The following SNRNP200 variants were observed in gnomAD, a reference collection of about 807,000 sequenced individuals.
The protein encoded by SNRNP200 is U5 small nuclear ribonucleoprotein 200 kDa helicase.
In SNRNP200, 66 loss-of-function variants were observed where a neutral mutation model predicts 255.2. The ratio of observed to expected loss-of-function variants is 0.26; its 90% CI spans 0.21 to 0.32. SNRNP200 has a LOEUF of 0.32. Among genes scored for constraint, SNRNP200 ranks in the 10% least tolerant of loss-of-function variants. SNRNP200 has a pLI of 1.00. For synonymous variants in SNRNP200, 939 were observed against 1,027.8 expected, an observed-to-expected ratio of 0.91 and a Z score of 1.65; for missense variants, 1,585 against 2,749.8, an observed-to-expected ratio of 0.58 and a Z score of 9.47.
In SNRNP200 at chr2:96,290,004, A is replaced by G; in HGVS notation, c.2743-8T>C. 6.2e-7 allele frequency: 1 copy of G among 1,613,968 alleles called. No homozygotes were observed. Among genetic ancestry groups the G allele is most frequent in the Non-Finnish European group, 8.5e-7 (1 of 1,179,854 alleles). ...CAGCCAGTTCACCGCATCCTACAAG[A>G]CACAGCTCATGGTTCTTAGCATGGA... On this transcript the variant is annotated splice_region_variant and splice_polypyrimidine_tract_variant and intron_variant, in intron 20 of 44. Coordinates refer to ENST00000323853, the MANE Select transcript of SNRNP200 (RefSeq NM_014014.5). This position sits in a 1 kb window ranked among gnomAD's most constrained non-coding sequence, Gnocchi z 4.5.
At chr2:96,282,942 C>A in intron 34 of SNRNP200, 1 of 561,666 alleles carries the variant, frequency 1.8e-6, no homozygotes, top group Non-Finnish European at 3.2e-6. Flanking sequence ...AGGTCCTGGA[C>A]TCTAGAAAAC....
intron 21 of SNRNP200, 75 bp from the exon 22 acceptor site, chr2:96,289,454 T>C: frequency 6.6e-7 from 1 of 1,521,470 alleles, no homozygotes; most frequent in Non-Finnish European, 9.1e-7. Context: ...CATAAGTTAC[T>C]GTCCTATAGG....
In SNRNP200 at chr2:96,296,722, A is replaced by G. The variant is rs537609511; in HGVS notation, c.1516-31T>C. 2.7e-5 allele frequency: 43 copies of G among 1,613,344 alleles called. No individual in the cohort carries two copies. In the East Asian group the frequency reaches 3.3e-4, roughly 13 times the overall value. On this transcript the variant is annotated intron_variant, in intron 12 of 44. Transcript: ENST00000323853. ...GGAGAGGTCAGGGATGAGAACGCCT[A>G]TTCACCTGGTTATTCTCACTGCCCT...
At position 96,304,752 on chromosome 2, in the gene SNRNP200, G is replaced by A. The variant is rs2063976140; in HGVS notation, c.162C>T (p.Asp54=). Reference sequence around the variant, plus strand: ...TCTGCGGTTTGGTCCGTTGAGCCTTGTCTCCCATACGGGTGCCCTCCAGCT... The same window carrying A: ...TCTGCGGTTTGGTCCGTTGAGCCTTATCTCCCATACGGGTGCCCTCCAGCT... ...VGKLEGTRMG[D]KAQRTKPQMQ... Residue 54 remains aspartate, a synonymous_variant, in exon 2 of 45, where the codon GAC becomes GAT. Transcript: ENST00000323853. The A allele has an allele frequency of 8.1e-6, 13 of 1,614,160 alleles. No homozygotes were observed. The highest frequency in any genetic ancestry group is 1.1e-5 in the Non-Finnish European group (13 of 1,180,022).
intron 1 of SNRNP200, among the ~76,000 whole-genome samples, chr2:96,305,132 G>A (rs2104367467): frequency 6.6e-6 from 1 of 152,248 alleles, no homozygotes; most frequent in South Asian, 2.1e-4. Flanking sequence ...GAAAAGTAGT[G>A]AGTGGGTTGG....
intron 14 of SNRNP200, among the ~76,000 whole-genome samples, chr2:96,295,223 C>CAAAT (rs547236304): frequency 3.4e-4 from 52 of 151,394 alleles, no homozygotes; most frequent in Non-Finnish European, 5.2e-4. Context: ...AACAAACAAA[C>CAAAT]AAATAAATAA....
In SNRNP200 at chr2:96,301,173, T is replaced by C. The variant is rs1480115317; in HGVS notation, c.575-120A>G. ...GAAAGATCTAAGTGCTAAGGACACA[T>C]ACAGATACTTAGATGATCAACATGA... is the stretch of plus-strand genomic sequence containing the variant. On this transcript the variant is annotated intron_variant, in intron 4 of 44. Transcript: ENST00000323853. 4.8e-6 allele frequency: 4 copies of C among 836,246 alleles called. No individual in the cohort carries two copies. In the Admixed American group the frequency reaches 5.7e-5, roughly 12 times the overall value. The allele number at this position is 836,246 out of a possible 1,614,324, so 51.8% of individuals were successfully genotyped here.
At chr2:96,294,247 A>G (rs2063902836) in intron 14 of SNRNP200, among the ~76,000 whole-genome samples, 2 of 152,042 alleles carry the variant, frequency 1.3e-5, no homozygotes, top group African/African-American at 4.8e-5. Flanking sequence ...CAGCCTGGCC[A>G]TCAGATTGGT....
chr2:96,305,131 T>C (rs2063979288), intron 1 of SNRNP200, among the ~76,000 whole-genome samples: 1 of 152,058 alleles, frequency 6.6e-6, no homozygotes, highest in African/African-American at 2.4e-5. Context: ...TGAAAAGTAG[T>C]GAGTGGGTTG....
At chr2:96,301,779 G>A in intron 3 of SNRNP200, 63 bp from the exon 4 acceptor site, 1 of 1,578,990 alleles carries the variant, frequency 6.3e-7, no homozygotes, top group Non-Finnish European at 8.7e-7. Context: ...CTTCAACCAG[G>A]TGTATGTGGC....
Position 96,288,757 on chromosome 2 carries a change from G to A in SNRNP200, c.3175-11C>T. 6.2e-7 allele frequency: 1 copy of A among 1,612,462 alleles called. No homozygotes were observed. The highest frequency in any genetic ancestry group is 8.5e-7 in the Non-Finnish European group (1 of 1,178,500). On this transcript the variant is annotated splice_polypyrimidine_tract_variant and intron_variant, in intron 23 of 44. Coordinates refer to ENST00000323853, the MANE Select transcript of SNRNP200 (RefSeq NM_014014.5). ...CAGAAGAACGTTGATCTGTAAAGAA[G>A]CAAAATCAGCCAGCAGGAGACCAAT...
rs532104214 is a variant in SNRNP200 at position 96,293,489 on chromosome 2, G to A, written c.1863C>T (p.His621=). Residue 621 remains histidine (H), a synonymous_variant, in exon 15 of 45, where the codon CAC becomes CAT. Coordinates refer to ENST00000323853, the MANE Select transcript of SNRNP200 (RefSeq NM_014014.5). ...LIILDEIHLL[H]DDRGPVLEAL... ...CTTCTAAGACAGGACCTCTGTCATCGTGGAGAAGATGAATCTCATCCTACG... is the reference window on the plus strand; with the variant it reads ...CTTCTAAGACAGGACCTCTGTCATCATGGAGAAGATGAATCTCATCCTACG... 10 of 1,612,320 alleles carry A rather than the reference G, an allele frequency of 6.2e-6. No homozygotes were observed. The East Asian group carries it at 1.6e-4, about 25-fold the overall frequency.
In SNRNP200 at chr2:96,283,579, G is replaced by A. The variant is rs990816363; in HGVS notation, c.4719C>T (p.Ala1573=). 6.2e-7 allele frequency: 1 copy of A among 1,614,150 alleles called. No individual in the cohort carries two copies. Among genetic ancestry groups the A allele is most frequent in the Non-Finnish European group, 8.5e-7 (1 of 1,180,046 alleles). Residue 1573 remains alanine, a synonymous_variant, in exon 33 of 45, where the codon GCC becomes GCT. Transcript: ENST00000323853. This position sits in a 1 kb window ranked among gnomAD's most constrained non-coding sequence, Gnocchi z 4.7. ...VPSRKQTRLT[A]IDILTTCAAD... is the part of the protein sequence containing the mutation. ...CTGCACAGGTGGTGAGGATGTCAATGGCAGTGAGGCGGGTCTGCTTGCGAG... is the reference window on the plus strand; with the variant it reads ...CTGCACAGGTGGTGAGGATGTCAATAGCAGTGAGGCGGGTCTGCTTGCGAG...
chr2:96,284,027 G>C, intron 31 of SNRNP200, 23 bp from the exon 32 acceptor site: 2 of 1,318,390 alleles, frequency 1.5e-6, no homozygotes, highest in Non-Finnish European at 2.1e-6. Context: ...AGGGAGGGAG[G>C]GTCACTGCAG....
At position 96,285,202 on chromosome 2, in the gene SNRNP200, G is replaced by A; in HGVS notation, c.4142C>T (p.Pro1381Leu). Residue 1381 changes from proline to leucine, a missense_variant, in exon 30 of 45, where the codon CCC becomes CTC. By Grantham distance (98) the Pro-to-Leu change is moderately conservative. This residue lies in a region of SNRNP200 where 719 missense variants were observed against 1,091.1 expected (regional missense o/e 0.66). Coordinates refer to ENST00000323853, the MANE Select transcript of SNRNP200 (RefSeq NM_014014.5). The stretch of plus-strand genomic sequence containing the variant: ...TACCTGCTCTGCCAGGGCCTCCATG[G>A]GGGTGATGTACACACAGCGCCCCTC... ...SSEGRCVYIT[P>L]MEALAEQVYM... 1 of 1,614,158 alleles carries A rather than the reference G, an allele frequency of 6.2e-7. No homozygotes were observed. Among genetic ancestry groups the A allele is most frequent in the Non-Finnish European group, 8.5e-7 (1 of 1,180,032 alleles).
chr2:96,300,521 G>A (rs756132293), intron 5 of SNRNP200, among the ~76,000 whole-genome samples: 4 of 152,160 alleles, frequency 2.6e-5, no homozygotes, highest in Middle Eastern at 3.2e-3. Flanking sequence ...AGCACTTTGG[G>A]AGGCCGACGG....
At position 96,278,453 on chromosome 2, in the gene SNRNP200, G is replaced by A. The variant is rs1208800998; in HGVS notation, c.5488+94C>T. The A allele has an allele frequency of 3.1e-6, 5 of 1,610,738 alleles. No individual in the cohort carries two copies. Among genetic ancestry groups the A allele is most frequent in the South Asian group, 1.1e-5 (1 of 90,858 alleles). Reference sequence around the variant, plus strand: ...CTGCTGTCCCCTGCAGTGTCATCCCGCTGACAAACACGGGCGCACCTCTCA... The same window carrying A: ...CTGCTGTCCCCTGCAGTGTCATCCCACTGACAAACACGGGCGCACCTCTCA... On this transcript the variant is annotated intron_variant, in intron 38 of 44. Transcript: ENST00000323853. The surrounding 1 kb of genome is among the most constrained non-coding windows in gnomAD (Gnocchi z 6.9).
chr2:96,289,563 A>G (rs1470290614), intron 21 of SNRNP200, among the ~76,000 whole-genome samples, 184 bp from the exon 22 acceptor site: 1 of 152,176 alleles, frequency 6.6e-6, no homozygotes, highest in Non-Finnish European at 1.5e-5. Flanking sequence ...TGCCAGGCCC[A>G]GGCACATGAA....
rs188714908 is a variant in SNRNP200 at position 96,291,375 on chromosome 2, G to T, written c.2421+17C>A. ...GTATGTCCCACCTGCTCCTCCAAACGCTTTGCACCCCCTCACCTGAATATG... is the reference window on the plus strand; with the variant it reads ...GTATGTCCCACCTGCTCCTCCAAACTCTTTGCACCCCCTCACCTGAATATG... On this transcript the variant is annotated intron_variant, in intron 18 of 44. Transcript: ENST00000323853. This position sits in a 1 kb window ranked among gnomAD's most constrained non-coding sequence, Gnocchi z 4.2. 2 of 1,415,890 alleles carry T rather than the reference G, an allele frequency of 1.4e-6. No individual in the cohort carries two copies. The highest frequency in any genetic ancestry group is 2.0e-6 in the Non-Finnish European group (2 of 999,072). 87.7% of individuals were successfully genotyped at this position (1,415,890 alleles called of 1,614,324 possible). A position where few individuals can be genotyped will look rare whatever the true frequency, so the allele number is the denominator to read the frequency against.
Sources: gnomAD v4.1 joint callset for allele counts (sites outside exome capture counted in the v4.1 genomes callset) on GRCh38, gnomAD v4.1.1 for gene constraint, gnomAD v4.1.1 regional missense constraint, Gnocchi (gnomAD v3.1) non-coding constraint, MANE v1.5 for transcripts, NCBI Gene and HGNC (gene_info 2026-07-23, HGNC 2026-07-21) for gene names.